Variants in XKR4 observed in about 807,000 individuals in gnomAD.
XKR4 encodes the protein XK related 4, also known as XK-related protein 4.
XKR4 carries 12 observed loss-of-function variants against 53.9 expected under a neutral mutation model. The observed-to-expected ratio is 0.22, with a 90% CI of 0.14 to 0.36. The LOEUF (loss-of-function observed/expected upper bound fraction) is 0.36, where lower values mean the gene tolerates loss of function less well. XKR4 is among the 10% of genes least tolerant of loss of function. The pLI, the probability that XKR4 is intolerant of heterozygous loss-of-function variation, is 1.00. For synonymous variants in XKR4, 354 were observed against 362.4 expected, an observed-to-expected ratio of 0.98 and a Z score of 0.26; for missense variants, 799 against 859.5, an observed-to-expected ratio of 0.93 and a Z score of 0.88.
At chr8:55,134,198 G>A (rs1005831737) in intron 1 of XKR4, among the ~76,000 whole-genome samples, 5 of 152,188 alleles carry the variant, frequency 3.3e-5, no homozygotes, top group Non-Finnish European at 4.4e-5. Flanking sequence ...GAGCTCACCC[G>A]AAATTCTAGA....
At chr8:55,216,499 G>A (rs577825958) in intron 1 of XKR4, among the ~76,000 whole-genome samples, 7 of 152,236 alleles carry the variant, frequency 4.6e-5, no homozygotes, top group African/African-American at 4.8e-5. Context: ...AGGCCAAGGC[G>A]GGCTGATCAC....
intron 2 of XKR4, among the ~76,000 whole-genome samples, chr8:55,457,491 T>C (rs1252031853): frequency 6.6e-6 from 1 of 152,160 alleles, no homozygotes. Context: ...CCATCAAAAC[T>C]ATTCCCCAAA....
intron 2 of XKR4, among the ~76,000 whole-genome samples, chr8:55,411,147 G>A (rs1381576774): frequency 1.3e-5 from 2 of 152,188 alleles, no homozygotes; most frequent in Non-Finnish European, 2.9e-5. Context: ...CTTGAGTAGT[G>A]AATGGTGGTT....
At chr8:55,374,986 A>T (rs1456009232) in intron 2 of XKR4, among the ~76,000 whole-genome samples, 1 of 152,188 alleles carries the variant, frequency 6.6e-6, no homozygotes, top group Non-Finnish European at 1.5e-5. Flanking sequence ...TGCCTCTTCC[A>T]GCAGTTTGCA....
intron 2 of XKR4, among the ~76,000 whole-genome samples, chr8:55,436,229 G>A (rs1358761230): frequency 6.6e-6 from 1 of 152,100 alleles, no homozygotes; most frequent in Non-Finnish European, 1.5e-5. Flanking sequence ...CAAATGCCTA[G>A]GTGCTTTACA....
chr8:55,344,116 C>A (rs548332381), intron 1 of XKR4, among the ~76,000 whole-genome samples: 132 of 152,246 alleles, frequency 8.7e-4, no homozygotes, highest in African/African-American at 2.9e-3. Flanking sequence ...CACACAACAC[C>A]CCAAGTTGTT....
chr8:55,367,819 C>T (rs923123700), intron 2 of XKR4, among the ~76,000 whole-genome samples: 2 of 152,188 alleles, frequency 1.3e-5, no homozygotes, highest in East Asian at 1.9e-4. Context: ...TCCGACCACC[C>T]TTTGCTGCCT....
intron 1 of XKR4, among the ~76,000 whole-genome samples, chr8:55,243,130 T>C (rs1338545801): frequency 6.6e-6 from 1 of 152,140 alleles, no homozygotes; most frequent in Non-Finnish European, 1.5e-5. Flanking sequence ...CCTCCCCACT[T>C]ATCAACATCC....
At chr8:55,169,093 G>T (rs1355023268) in intron 1 of XKR4, among the ~76,000 whole-genome samples, 1 of 152,176 alleles carries the variant, frequency 6.6e-6, no homozygotes, top group Non-Finnish European at 1.5e-5. Context: ...TTCTGAAAGG[G>T]TAAGCAATCA....
intron 1 of XKR4, among the ~76,000 whole-genome samples, chr8:55,287,144 C>G (rs1296924941): frequency 1.4e-5 from 2 of 144,904 alleles, no homozygotes; most frequent in African/African-American, 5.1e-5. Context: ...GGGGGGGGAA[C>G]CTTCAATAAT....
At chr8:55,417,694 T>A (rs1342745663) in intron 2 of XKR4, among the ~76,000 whole-genome samples, 1 of 152,228 alleles carries the variant, frequency 6.6e-6, no homozygotes, top group East Asian at 1.9e-4. Context: ...CTTCAATTAC[T>A]TGTTTTTAGT....
At chr8:55,499,283 C>G (rs1165477128) in intron 2 of XKR4, among the ~76,000 whole-genome samples, 2 of 152,094 alleles carry the variant, frequency 1.3e-5, no homozygotes. Flanking sequence ...ATTTTAAATG[C>G]CTGGAGCATA....
intron 1 of XKR4, among the ~76,000 whole-genome samples, chr8:55,330,527 T>C (rs1334667692): frequency 6.6e-6 from 1 of 152,148 alleles, no homozygotes; most frequent in African/African-American, 2.4e-5. Context: ...TACATTGTTG[T>C]CCAGAGTAAA....
Position 55,504,783 on chromosome 8 carries a change from G to A in XKR4, c.1007-18498G>A, listed in dbSNP as rs567978461. The stretch of plus-strand genomic sequence containing the variant: ...TTTATTTCTTTATGATTCAGTCTTG[G>A]TAGATTTTGTATTTCTAGGAATTTG... On this transcript the variant is annotated intron_variant, in intron 2 of 2. Coordinates refer to ENST00000327381, the MANE Select transcript of XKR4 (RefSeq NM_052898.2). Among the ~76,000 whole-genome samples, 9 of 152,056 alleles carry A rather than the reference G, an allele frequency of 5.9e-5. No individual in the cohort carries two copies. The South Asian group carries it at 1.9e-3, about 32-fold the overall frequency.
At chr8:55,150,791 G>T (rs1942219447) in intron 1 of XKR4, among the ~76,000 whole-genome samples, 1 of 152,118 alleles carries the variant, frequency 6.6e-6, no homozygotes, top group African/African-American at 2.4e-5. Flanking sequence ...GTAGATGATG[G>T]TGTCTTTCTC....
At chr8:55,485,257 C>T (rs1193507867) in intron 2 of XKR4, among the ~76,000 whole-genome samples, 1 of 152,106 alleles carries the variant, frequency 6.6e-6, no homozygotes, top group African/African-American at 2.4e-5. Flanking sequence ...GTTCTAGACA[C>T]TGCAATAAGG....
intron 1 of XKR4, among the ~76,000 whole-genome samples, chr8:55,115,408 G>T (rs1036888681): frequency 2.3e-5 from 3 of 132,840 alleles, no homozygotes; most frequent in Non-Finnish European, 5.0e-5. Flanking sequence ...ACACACAAAT[G>T]AATCTCCTTA....
At chr8:55,438,447 G>A (rs769069811) in intron 2 of XKR4, among the ~76,000 whole-genome samples, 5 of 151,788 alleles carry the variant, frequency 3.3e-5, no homozygotes, top group Admixed American at 6.6e-5. Flanking sequence ...AAAATGAGCC[G>A]GGCGTGGTGG....
chr8:55,372,347 C>T (rs1335789410), intron 2 of XKR4, among the ~76,000 whole-genome samples: 3 of 152,182 alleles, frequency 2.0e-5, no homozygotes, highest in Non-Finnish European at 4.4e-5. Flanking sequence ...ATTCACCTGA[C>T]CTTTAGCCAG....
Sources: allele counts gnomAD v4.1 joint callset (sites outside exome capture counted in the v4.1 genomes callset), GRCh38; gene constraint gnomAD v4.1.1; transcripts MANE v1.5; gene names NCBI Gene and HGNC (gene_info 2026-07-23, HGNC 2026-07-21).